The following AMZ1 variants were observed in gnomAD, a reference collection of about 807,000 sequenced individuals.
AMZ1 encodes archaelysin family metallopeptidase 1, also known as archaemetzincin-1.
Under a neutral mutation model 29.9 loss-of-function variants are expected in AMZ1, and 39 were observed. The observed-to-expected ratio is 1.30, with a 90% CI of 1.01 to 1.70. AMZ1 has a LOEUF of 1.70. Ranked by LOEUF, AMZ1 falls within the 40% of genes most tolerant of loss-of-function variation. The pLI is 0.00. For synonymous variants in AMZ1, 458 were observed against 304.0 expected (o/e 1.51, Z -5.27); for missense variants, 1,041 against 680.6 (o/e 1.53, Z -5.89).
At chr7:2,725,115 G>T (rs566747718) in intron 4 of AMZ1, among the ~76,000 whole-genome samples, 1 of 152,192 alleles carries the variant, frequency 6.6e-6, no homozygotes, top group Non-Finnish European at 1.5e-5. Flanking sequence ...TGGGTTCTGC[G>T]AGCGCACCCT....
chr7:2,757,129 CTTTTTTTTTTTT>C (rs71026549), intron 4 of AMZ1, among the ~76,000 whole-genome samples: 18 of 93,996 alleles, frequency 1.9e-4, no homozygotes, highest in African/African-American at 4.8e-4. Flanking sequence ...TCAGGTGGGC[CTTTTTTTTTTTT>C]TTTTTTTTTT....
intron 2 of AMZ1, 116 bp downstream of exon 2, chr7:2,700,871 T>C: frequency 7.4e-7 from 1 of 1,351,540 alleles, no homozygotes; most frequent in East Asian, 2.4e-5. Flanking sequence ...AAGAGGGTCC[T>C]GGGTGTATGG....
chr7:2,681,391 C>A (rs1342893078), intron 1 of AMZ1, among the ~76,000 whole-genome samples: 1 of 151,978 alleles, frequency 6.6e-6, no homozygotes, highest in Non-Finnish European at 1.5e-5. Context: ...CCCATCTCAG[C>A]CTCCCAGGTG....
intron 1 of AMZ1, among the ~76,000 whole-genome samples, chr7:2,698,557 G>T (rs1003522763): frequency 1.3e-5 from 2 of 151,688 alleles, no homozygotes; most frequent in South Asian, 4.2e-4. Flanking sequence ...AAAGAAGTTG[G>T]GGCTCGGGGG....
downstream of AMZ1, among the ~76,000 whole-genome samples, chr7:2,722,327 C>T (rs1372418693): frequency 1.3e-5 from 2 of 151,386 alleles, no homozygotes; most frequent in Admixed American, 6.6e-5. Flanking sequence ...GGCTGGAGTG[C>T]AGTGGCGCGA....
intron 4 of AMZ1, 128 bp downstream of exon 4, chr7:2,708,844 T>G: frequency 7.0e-7 from 1 of 1,427,736 alleles, no homozygotes; most frequent in Non-Finnish European, 9.5e-7. Context: ...CACCTGTGCA[T>G]GGGAATAGAT....
Position 2,718,969 on chromosome 7 carries a change from CAGGAAGGAAAG to C in AMZ1, c.*6095_*6105del, listed in dbSNP as rs542741306. Among the ~76,000 whole-genome samples the C allele has an allele frequency of 4.3e-3, 646 of 150,650 alleles. 6 individuals carry two copies. The highest frequency in any genetic ancestry group is 0.015 in the African/African-American group (616 of 41,050). On this transcript the variant is annotated 3_prime_UTR_variant, in exon 7 of 7. Coordinates refer to ENST00000683327, the MANE Select transcript of AMZ1 (RefSeq NM_001384743.1). ...CGGCCATTTATTCCAAATGTATGAG[CAGGAAGGAAAG>C]AGGGAGGGAAGCTGCAAGAACAGGC...
At chr7:2,740,903 G>A (rs1790465257) in intron 4 of AMZ1, among the ~76,000 whole-genome samples, 1 of 152,110 alleles carries the variant, frequency 6.6e-6, no homozygotes, top group South Asian at 2.1e-4. Context: ...AAATTAGTCG[G>A]GCGTGGTGGC....
chr7:2,707,799 C>T (rs893252347), intron 3 of AMZ1, among the ~76,000 whole-genome samples: 1 of 151,020 alleles, frequency 6.6e-6, no homozygotes, highest in Non-Finnish European at 1.5e-5. Flanking sequence ...CCCAGACCCC[C>T]TGCTGCCTCT....
intron 4 of AMZ1, among the ~76,000 whole-genome samples, chr7:2,727,592 C>T (rs1789674082): frequency 6.6e-6 from 1 of 152,114 alleles, no homozygotes; most frequent in African/African-American, 2.4e-5. Context: ...GTCTCAAACT[C>T]CTGCACTCAA....
intron 1 of AMZ1, among the ~76,000 whole-genome samples, chr7:2,699,619 C>T (rs1787935131): frequency 6.6e-6 from 1 of 151,674 alleles, no homozygotes; most frequent in African/African-American, 2.4e-5. Context: ...GATGGGAGTT[C>T]TTGGGTGTTG....
intron 2 of AMZ1, among the ~76,000 whole-genome samples, chr7:2,701,584 G>A (rs1238806334): frequency 6.6e-6 from 1 of 152,214 alleles, no homozygotes; most frequent in African/African-American, 2.4e-5. Context: ...GGGAGCGCGA[G>A]GGGCAGGGCC....
chr7:2,739,755 CCT>C (rs1452947786), intron 4 of AMZ1, among the ~76,000 whole-genome samples: 1 of 152,106 alleles, frequency 6.6e-6, no homozygotes, highest in Non-Finnish European at 1.5e-5. Flanking sequence ...CTCACCGCAA[CCT>C]CTGCCTCCTG....
Position 2,712,765 on chromosome 7 carries a change from G to C in AMZ1, c.1384G>C (p.Gly462Arg). Residue 462 changes from glycine to arginine, a missense_variant, in exon 7 of 7, where the codon GGG (glycine) becomes CGG (arginine). Transcript: ENST00000683327. ...QDPPSSRDSV[G>R]LRKVLGDKFS... Reference sequence around the variant, plus strand: ...CCCACCCAGCAGCAGGGACAGCGTGGGGCTGCGCAAGGTGCTGGGGGACAA... The same window carrying C: ...CCCACCCAGCAGCAGGGACAGCGTGCGGCTGCGCAAGGTGCTGGGGGACAA... 6.3e-7 allele frequency: 1 copy of C among 1,596,084 alleles called. No individual in the cohort carries two copies. The highest frequency in any genetic ancestry group is 8.5e-7 in the Non-Finnish European group (1 of 1,169,654).
At chr7:2,684,811 T>C (rs540857765), upstream of AMZ1, among the ~76,000 whole-genome samples, 1 of 151,068 alleles carries the variant, frequency 6.6e-6, no homozygotes, top group East Asian at 2.0e-4. Context: ...GGGCTTCCAG[T>C]CTCCCGGGCT....
rs901811670 is a variant in AMZ1, at chr7:2,717,933, C to T, written c.*5055C>T. Among the ~76,000 whole-genome samples, 1 of 152,206 alleles carries T rather than the reference C, an allele frequency of 6.6e-6. No individual in the cohort carries two copies. The highest frequency in any genetic ancestry group is 1.5e-5 in the Non-Finnish European group (1 of 68,040). On this transcript the variant is annotated 3_prime_UTR_variant, in exon 7 of 7. Coordinates refer to ENST00000683327, the MANE Select transcript of AMZ1 (RefSeq NM_001384743.1). ...CAACTCTTCCCCGCTGCAGTGTTCC[C>T]GTGACGATGAGGCAAATCCAAATAG...
In AMZ1 at chr7:2,700,637, G is replaced by T. The variant is rs144827365; in HGVS notation, c.186G>T (p.Thr62=). 1 of 1,611,726 alleles carries T rather than the reference G, an allele frequency of 6.2e-7. No homozygotes were observed. Among genetic ancestry groups the T allele is most frequent in the South Asian group, 1.1e-5 (1 of 91,090 alleles). The part of the protein sequence containing the change: ...RTLFCTLLIR[T]GFDWLLSRPE... ...TCTTCTGCACCCTGCTCATCCGCAC[G>T]GGCTTCGACTGGCTCCTGAGCCGAC... Residue 62 remains threonine (T), a synonymous_variant, in exon 2 of 7, where the codon ACG becomes ACT. Coordinates refer to ENST00000683327, the MANE Select transcript of AMZ1 (RefSeq NM_001384743.1).
intron 1 of AMZ1, among the ~76,000 whole-genome samples, chr7:2,680,710 G>A (rs942226483): frequency 2.0e-4 from 30 of 152,360 alleles, no homozygotes; most frequent in Middle Eastern, 3.4e-3. Flanking sequence ...CAGCCTCCTC[G>A]TGCTGGCCAC....
intron 1 of AMZ1, among the ~76,000 whole-genome samples, chr7:2,697,349 G>A (rs111470446): frequency 0.16 from 24,058 of 151,906 alleles, 2,075 homozygotes; most frequent in Non-Finnish European, 0.2. Flanking sequence ...CAGCAGCCTC[G>A]GCCTCCCAAA....
Sources: allele counts gnomAD v4.1 joint callset (sites outside exome capture counted in the v4.1 genomes callset), GRCh38; gene constraint gnomAD v4.1.1; transcripts MANE v1.5; gene names NCBI Gene and HGNC (gene_info 2026-07-23, HGNC 2026-07-21).